Variants in CHKA observed in about 807,000 individuals in gnomAD.
CHKA encodes choline kinase alpha, also known as CHETK-alpha.
Under a neutral mutation model 60.1 loss-of-function variants are expected in CHKA, and 34 were observed. The ratio of observed to expected loss-of-function variants is 0.57; its 90% confidence interval spans 0.43 to 0.75. The LOEUF (loss-of-function observed/expected upper bound fraction) is 0.75, where lower values mean the gene tolerates loss of function less well. Ranked by LOEUF, CHKA falls within the 30% of genes least tolerant of loss-of-function variation. The pLI is 0.00. For missense variants in CHKA, 563 were observed against 561.3 expected (o/e 1.00, Z -0.03); for synonymous variants, 217 against 223.1 (o/e 0.97, Z 0.24).
chr11:68,064,586 CAA>C lies in CHKA; in HGVS notation c.1169_1170del (p.Phe390Ter). ...SSYLPAFQND[F>X]ENLSTEEKSI... is the part of the protein sequence containing the mutation. ...GATTTTTCTTCAGTACTGAGGTTTT[CAA>C]AGTCATTTTGGAATGCAGGCAAGTA... On this transcript the variant is annotated frameshift_variant, in exon 10 of 12. Transcript: ENST00000265689. LOFTEE classifies it high-confidence loss of function. 1 of 1,596,602 alleles carries C rather than the reference CAA, an allele frequency of 6.3e-7. No individual in the cohort carries two copies. Among genetic ancestry groups the C allele is most frequent in the Non-Finnish European group, 8.5e-7 (1 of 1,173,890 alleles).
At chr11:68,061,095 G>GTTTTTTTTTT (rs757176198) in intron 11 of CHKA, among the ~76,000 whole-genome samples, 1 of 70,840 alleles carries the variant, frequency 1.4e-5, no homozygotes, top group African/African-American at 6.7e-5. Context: ...GTCAGTGACA[G>GTTTTTTTTTT]TTTTTTTTTT....
intron 2 of CHKA, chr11:68,081,715 C>A (rs772427753): frequency 7.9e-5 from 30 of 379,760 alleles, no homozygotes; most frequent in Admixed American, 2.7e-4. Flanking sequence ...GTCTCACAGC[C>A]GCCCCATGTA....
chr11:68,075,730 G>A (rs984286587), intron 3 of CHKA, among the ~76,000 whole-genome samples: 2 of 152,064 alleles, frequency 1.3e-5, no homozygotes, highest in African/African-American at 4.8e-5. Flanking sequence ...GAGGCCAGGA[G>A]TTAGAGACCA....
At chr11:68,115,506 G>T (rs1244089574) in intron 1 of CHKA, among the ~76,000 whole-genome samples, 1 of 152,096 alleles carries the variant, frequency 6.6e-6, no homozygotes, top group Non-Finnish European at 1.5e-5. Flanking sequence ...GGTTATATGG[G>T]AACTCTCTGT....
At chr11:68,116,965 AT>A (rs1315099302) in intron 1 of CHKA, among the ~76,000 whole-genome samples, 2 of 152,144 alleles carry the variant, frequency 1.3e-5, no homozygotes, top group Non-Finnish European at 2.9e-5. Context: ...AAAAATGACA[AT>A]TTCTACACTT....
intron 2 of CHKA, among the ~76,000 whole-genome samples, chr11:68,084,427 CATAT>C (rs34157126): frequency 3.9e-5 from 5 of 128,588 alleles, no homozygotes; most frequent in African/African-American, 5.7e-5. Context: ...TATATATACA[CATAT>C]ATATACGTAT....
chr11:68,102,733 A>G (rs1857772772), intron 1 of CHKA, among the ~76,000 whole-genome samples: 1 of 152,234 alleles, frequency 6.6e-6, no homozygotes. Context: ...GCTTCTGCAC[A>G]GCAAAGGAAA....
chr11:68,082,312 A>G (rs1857013200), intron 2 of CHKA, among the ~76,000 whole-genome samples: 1 of 152,138 alleles, frequency 6.6e-6, no homozygotes, highest in Non-Finnish European at 1.5e-5. Context: ...GAATGGGGAA[A>G]AGTAAAGTCA....
At chr11:68,084,982 A>AT (rs1857134420) in intron 2 of CHKA, among the ~76,000 whole-genome samples, 1 of 152,120 alleles carries the variant, frequency 6.6e-6, no homozygotes, top group Non-Finnish European at 1.5e-5. Flanking sequence ...CCAACTCCAT[A>AT]AATACACTGA....
intron 10 of CHKA, among the ~76,000 whole-genome samples, chr11:68,063,492 C>CA (rs34360525): frequency 0.44 from 62,875 of 143,692 alleles, 13,413 homozygotes; most frequent in African/African-American, 0.49. Context: ...GACTCCATCT[C>CA]AAAAAAAAAA....
intron 1 of CHKA, among the ~76,000 whole-genome samples, chr11:68,115,128 TTC>T (rs1858334350): frequency 6.6e-6 from 1 of 152,196 alleles, no homozygotes; most frequent in African/African-American, 2.4e-5. Context: ...AAAACAGACT[TTC>T]TGTTAGATTA....
At chr11:68,081,356 A>G in intron 3 of CHKA, 48 bp downstream of exon 3, 1 of 1,513,816 alleles carries the variant, frequency 6.6e-7, no homozygotes, top group Middle Eastern at 1.7e-4. Context: ...AAGGGTGGCT[A>G]ACACTAGTTC....
At chr11:68,103,126 A>G (rs1171640033) in intron 1 of CHKA, among the ~76,000 whole-genome samples, 1 of 152,192 alleles carries the variant, frequency 6.6e-6, no homozygotes, top group Non-Finnish European at 1.5e-5. Flanking sequence ...ACAGAGCAAG[A>G]TTCCATCCCT....
intron 11 of CHKA, among the ~76,000 whole-genome samples, chr11:68,054,299 G>A (rs1210583517): frequency 6.6e-6 from 1 of 152,228 alleles, no homozygotes; most frequent in Non-Finnish European, 1.5e-5. Context: ...GGCCAGCCCA[G>A]CCCTGCCTCT....
chr11:68,054,127 C>A, intron 11 of CHKA, 80 bp from the exon 12 acceptor site: 1 of 1,253,838 alleles, frequency 8.0e-7, no homozygotes, highest in Non-Finnish European at 1.1e-6. Flanking sequence ...AATCCCCACC[C>A]CAGGCAAGAG....
intron 1 of CHKA, among the ~76,000 whole-genome samples, chr11:68,108,966 T>C (rs756702525): frequency 2.0e-5 from 3 of 152,070 alleles, no homozygotes; most frequent in Non-Finnish European, 2.9e-5. Flanking sequence ...CCCCATTCTT[T>C]GACGAGTTTT....
intron 4 of CHKA, among the ~76,000 whole-genome samples, chr11:68,073,334 C>G (rs1432228966): frequency 1.3e-5 from 2 of 152,124 alleles, no homozygotes; most frequent in African/African-American, 2.4e-5. Flanking sequence ...ATATGAGGTT[C>G]TATTATTTAC....
At chr11:68,088,557 A>ACCAT (rs1310952888) in intron 2 of CHKA, among the ~76,000 whole-genome samples, 1 of 152,108 alleles carries the variant, frequency 6.6e-6, no homozygotes, top group Non-Finnish European at 1.5e-5. Flanking sequence ...AAGCATGAGA[A>ACCAT]CCATGACTCT....
chr11:68,080,357 T>C (rs564637658), intron 3 of CHKA, among the ~76,000 whole-genome samples: 2 of 152,278 alleles, frequency 1.3e-5, no homozygotes, highest in Admixed American at 1.3e-4. Context: ...TTTTCTTTTT[T>C]TTTTGCATTT....
Sources: allele counts gnomAD v4.1 joint callset (sites outside exome capture counted in the v4.1 genomes callset), GRCh38; gene constraint gnomAD v4.1.1; transcripts MANE v1.5; gene names NCBI Gene and HGNC (gene_info 2026-07-23, HGNC 2026-07-21).